The following CLIC5 variants were observed in gnomAD, a reference collection of about 807,000 sequenced individuals.
CLIC5 encodes chloride intracellular channel protein 5.
In CLIC5, 20 loss-of-function variants were observed where a neutral mutation model predicts 24.7. The observed-to-expected ratio is 0.81, with a 90% CI of 0.57 to 1.18. The LOEUF is 1.18. Among genes scored for constraint, CLIC5 ranks in the 50% most tolerant of loss-of-function variants. The probability of loss-of-function intolerance (pLI) is 0.00; values close to 1 mark genes in which losing one functional copy is unlikely to be tolerated. For synonymous variants in CLIC5, 159 were observed against 135.6 expected, an observed-to-expected ratio of 1.17 and a Z score of -1.20; for missense variants, 341 against 326.1, an observed-to-expected ratio of 1.05 and a Z score of -0.35.
At chr6:45,980,083 G>T (rs1454857639) in intron 1 of CLIC5, among the ~76,000 whole-genome samples, 2 of 150,998 alleles carry the variant, frequency 1.3e-5, no homozygotes, top group Non-Finnish European at 1.5e-5. Flanking sequence ...TGTATGTGGT[G>T]AAAGGTAGGG....
At chr6:45,887,781 T>C (rs1762318070) in intron 6 of CLIC5, among the ~76,000 whole-genome samples, 2 of 152,186 alleles carry the variant, frequency 1.3e-5, no homozygotes, top group East Asian at 1.9e-4. Flanking sequence ...ACATAACGCG[T>C]AATACACTCA....
At chr6:45,890,306 G>GA (rs1418954218) in intron 6 of CLIC5, among the ~76,000 whole-genome samples, 6 of 151,744 alleles carry the variant, frequency 4.0e-5, no homozygotes, top group Non-Finnish European at 7.4e-5. Flanking sequence ...ACAGATATAT[G>GA]AAAAAAATGC....
At chr6:46,068,038 G>A (rs921739613) in intron 1 of CLIC5, among the ~76,000 whole-genome samples, 2 of 152,170 alleles carry the variant, frequency 1.3e-5, no homozygotes, top group African/African-American at 4.8e-5. Context: ...CCAATCCCAA[G>A]TGTTTATCAG....
At chr6:45,938,916 C>T (rs771882236) in intron 4 of CLIC5, among the ~76,000 whole-genome samples, 13 of 152,072 alleles carry the variant, frequency 8.5e-5, no homozygotes, top group Admixed American at 6.5e-5. Flanking sequence ...TGGGTCTTCT[C>T]GTTTGGTTCT....
intron 3 of CLIC5, among the ~76,000 whole-genome samples, chr6:45,945,285 T>C (rs1346100665): frequency 6.6e-6 from 1 of 152,196 alleles, no homozygotes; most frequent in African/African-American, 2.4e-5. Flanking sequence ...GATGTGAGAA[T>C]TAAAGATTCT....
chr6:45,896,578 G>T (rs910475026), downstream of CLIC5, among the ~76,000 whole-genome samples: 2 of 152,180 alleles, frequency 1.3e-5, no homozygotes, highest in Non-Finnish European at 2.9e-5. Flanking sequence ...GCTCTGGGTA[G>T]GTTAGCTACT....
the CLIC5 span, among the ~76,000 whole-genome samples, chr6:46,101,923 A>G: frequency 5.4e-5 from 8 of 149,048 alleles, no homozygotes; most frequent in African/African-American, 7.4e-5. Flanking sequence ...GGGAAAAAAT[A>G]TTTTAGGCTC....
chr6:46,050,342 CAT>C (rs35767935), intron 1 of CLIC5, among the ~76,000 whole-genome samples: 6,370 of 152,236 alleles, frequency 0.042, 179 homozygotes, highest in Non-Finnish European at 0.068. Flanking sequence ...AGTTTTCTAA[CAT>C]AAATAAAAAG....
the CLIC5 span, among the ~76,000 whole-genome samples, chr6:46,118,136 T>C: frequency 6.6e-6 from 1 of 152,256 alleles, no homozygotes; most frequent in African/African-American, 2.4e-5. Context: ...CTCTTCTTCT[T>C]ACAGCTCTTG....
At position 45,955,116 on chromosome 6, in the gene CLIC5, T is replaced by C. The variant is rs2127386671; in HGVS notation, c.173+19A>G. The C allele has an allele frequency of 1.3e-6, 2 of 1,576,982 alleles. No homozygotes were observed. The highest frequency in any genetic ancestry group is 2.2e-5 in the East Asian group (1 of 44,706). ...TTCATGCAGCTAAACATACTCCTCA[T>C]TTATGCAACGTACGTTACCTTTTCA... On this transcript the variant is annotated intron_variant, in intron 2 of 5. Transcript: ENST00000339561.
In CLIC5 at chr6:45,905,256, T is replaced by A. The variant is rs556342845; in HGVS notation, c.589-2001A>T. Among the ~76,000 whole-genome samples the A allele has an allele frequency of 2.1e-3, 321 of 152,354 alleles. 3 individuals carry two copies. Among genetic ancestry groups the A allele is most frequent in the African/African-American group, 6.8e-3 (283 of 41,582 alleles). The stretch of plus-strand genomic sequence containing the variant: ...TTGGATATATAACCAGTAATGGGAT[T>A]GCTTGGTCAAATGATAGTTCTGCTT... On this transcript the variant is annotated intron_variant, in intron 5 of 5. Transcript: ENST00000339561.
intron 1 of CLIC5, among the ~76,000 whole-genome samples, chr6:45,956,347 G>T (rs1182786112): frequency 1.3e-5 from 2 of 152,152 alleles, no homozygotes; most frequent in Non-Finnish European, 2.9e-5. Flanking sequence ...GGAAACCATG[G>T]CCCCCGCAGG....
intron 1 of CLIC5, among the ~76,000 whole-genome samples, chr6:46,055,326 C>T (rs1204656149): frequency 2.6e-5 from 4 of 152,196 alleles, no homozygotes; most frequent in Non-Finnish European, 5.9e-5. Context: ...TGGCTTGGAA[C>T]TCCAGACCTC....
chr6:46,122,195 G>C, the CLIC5 span, among the ~76,000 whole-genome samples: 1 of 152,150 alleles, frequency 6.6e-6, no homozygotes, highest in African/African-American at 2.4e-5. Context: ...GCACTCCTCA[G>C]CAAATGTAAA....
intron 1 of CLIC5, among the ~76,000 whole-genome samples, chr6:46,008,697 T>C (rs927753508): frequency 1.3e-5 from 2 of 152,212 alleles, no homozygotes; most frequent in African/African-American, 4.8e-5. Context: ...TAAAATTATG[T>C]GTCACTCCTA....
intron 4 of CLIC5, among the ~76,000 whole-genome samples, chr6:45,926,259 T>G (rs1388716798): frequency 6.7e-6 from 1 of 149,658 alleles, no homozygotes; most frequent in Non-Finnish European, 1.5e-5. Context: ...TTTTTTTTAT[T>G]TTTTTTGAAA....
the CLIC5 span, among the ~76,000 whole-genome samples, chr6:46,090,497 T>G: frequency 6.6e-6 from 1 of 152,196 alleles, no homozygotes; most frequent in African/African-American, 2.4e-5. Flanking sequence ...GATCTATGTG[T>G]CACTTTAGTT....
intron 1 of CLIC5, among the ~76,000 whole-genome samples, chr6:45,960,963 T>C (rs1764825197): frequency 6.6e-6 from 1 of 152,240 alleles, no homozygotes; most frequent in South Asian, 2.1e-4. Flanking sequence ...TTATATGTCA[T>C]GGTTACTCTT....
At chr6:46,112,158 C>A in the CLIC5 span, among the ~76,000 whole-genome samples, 1 of 152,074 alleles carries the variant, frequency 6.6e-6, no homozygotes, top group Admixed American at 6.5e-5. Context: ...AGAAAGCCAA[C>A]AAACAGAAGT....
Sources: allele counts gnomAD v4.1 joint callset (sites outside exome capture counted in the v4.1 genomes callset), GRCh38; gene constraint gnomAD v4.1.1; transcripts MANE v1.5; gene names NCBI Gene and HGNC (gene_info 2026-07-23, HGNC 2026-07-21).